The following SPIN1 variants were observed in gnomAD, a reference collection of about 807,000 sequenced individuals.
The protein encoded by SPIN1 is spindlin-1.
SPIN1 carries 3 observed loss-of-function variants against 26.0 expected under a neutral mutation model. That is an observed-to-expected ratio of 0.12 (90% CI 0.05 to 0.30). The LOEUF (loss-of-function observed/expected upper bound fraction) is 0.30, where lower values mean the gene tolerates loss of function less well. Ranked by LOEUF, SPIN1 falls within the 10% of genes least tolerant of loss-of-function variation. The probability of loss-of-function intolerance (pLI) is 1.00; values close to 1 mark genes in which losing one functional copy is unlikely to be tolerated. For synonymous variants in SPIN1, 101 were observed against 116.5 expected, an observed-to-expected ratio of 0.87 and a Z score of 0.86; for missense variants, 126 against 333.4, an observed-to-expected ratio of 0.38 and a Z score of 4.84.
chr9:88,443,030 G>T (rs985278650), intron 2 of SPIN1, among the ~76,000 whole-genome samples: 2 of 148,742 alleles, frequency 1.3e-5, no homozygotes, highest in Non-Finnish European at 2.9e-5. Context: ...TGAGGCAGGC[G>T]AATCGCTTGA....
chr9:88,432,949 C>G lies in SPIN1; in HGVS notation c.52+6358C>G, dbSNP rs184623404. 5.8e-4 allele frequency among the ~76,000 whole-genome samples: 88 copies of G among 152,308 alleles called. 1 individual carries two copies. The Middle Eastern group carries it at 0.014, about 24-fold the overall frequency. On this transcript the variant is annotated intron_variant, in intron 2 of 5. Coordinates refer to ENST00000375859, the MANE Select transcript of SPIN1 (RefSeq NM_006717.3). The stretch of plus-strand genomic sequence containing the variant: ...CAGGCTGGTTTCAAACTATTGGGCT[C>G]AAGAGATCCTCCCACCTCAGCCTTT...
intron 3 of SPIN1, among the ~76,000 whole-genome samples, chr9:88,454,121 A>T (rs1311339263): frequency 6.6e-6 from 1 of 152,176 alleles, no homozygotes; most frequent in African/African-American, 2.4e-5. Flanking sequence ...AAGATGTCCT[A>T]GGTTGAATGA....
chr9:88,407,096 C>T (rs1013085551), intron 1 of SPIN1, among the ~76,000 whole-genome samples: 3 of 148,056 alleles, frequency 2.0e-5, no homozygotes, highest in Non-Finnish European at 4.4e-5. Context: ...TAGTGAATTT[C>T]CTATGTTAGT....
chr9:88,391,562 C>G (rs2117853760), intron 1 of SPIN1: 1 of 152,370 alleles, frequency 6.6e-6, no homozygotes, highest in East Asian at 1.9e-4. Flanking sequence ...TACTTCCTTT[C>G]TGCATAGGTA....
At chr9:88,403,938 G>A (rs1827241480) in intron 1 of SPIN1, among the ~76,000 whole-genome samples, 1 of 152,112 alleles carries the variant, frequency 6.6e-6, no homozygotes, top group African/African-American at 2.4e-5. Context: ...GCGTTGTTAG[G>A]TGAGCATTAT....
intron 1 of SPIN1, chr9:88,418,980 C>T (rs754520511): frequency 1.3e-5 from 2 of 152,056 alleles, no homozygotes; most frequent in Non-Finnish European, 2.9e-5. Flanking sequence ...TTTTGATCTC[C>T]TTTGAGATTG....
intron 3 of SPIN1, among the ~76,000 whole-genome samples, chr9:88,455,426 A>T (rs1168255564): frequency 6.6e-6 from 1 of 152,224 alleles, no homozygotes; most frequent in East Asian, 1.9e-4. Context: ...ATTGCACTTC[A>T]GCCTGTGCAG....
rs573960077 is a variant in SPIN1, at chr9:88,477,264, T to G, written c.*1987T>G. ...TACAGCGCAAGAGTTTGCAAGTGTG[T>G]CCAGCATGCACCAACTGTGCAGAAC... is the stretch of plus-strand genomic sequence containing the variant. On this transcript the variant is annotated 3_prime_UTR_variant, in exon 6 of 6. Coordinates refer to ENST00000375859, the MANE Select transcript of SPIN1 (RefSeq NM_006717.3). 6.6e-5 allele frequency: 10 copies of G among 152,212 alleles called. No homozygotes were observed. Among genetic ancestry groups the G allele is most frequent in the Non-Finnish European group, 1.2e-4 (8 of 68,060 alleles). 9.4% of individuals were successfully genotyped at this position (152,212 alleles called of 1,614,324 possible).
chr9:88,457,075 T>C (rs1271133601), intron 3 of SPIN1, among the ~76,000 whole-genome samples: 3 of 152,176 alleles, frequency 2.0e-5, no homozygotes, highest in Non-Finnish European at 4.4e-5. Flanking sequence ...AGAATTGATC[T>C]AGAAGTGCTA....
rs1404839822 is a variant in SPIN1 at position 88,451,106 on chromosome 9, C to T, written c.101+2117C>T. On this transcript the variant is annotated intron_variant, in intron 3 of 5. Coordinates refer to ENST00000375859, the MANE Select transcript of SPIN1 (RefSeq NM_006717.3). ...TCTAAAATGCAATTTTTATGGAAAC[C>T]AAATATAAAAAAAAAACAGAACTAT... Among the ~76,000 whole-genome samples, 3 of 144,086 alleles carry T rather than the reference C, an allele frequency of 2.1e-5. No individual in the cohort carries two copies. In the East Asian group the frequency reaches 5.9e-4, roughly 28 times the overall value. The allele number at this position is 144,086 out of a possible 152,430, so 94.5% of individuals were successfully genotyped here.
intron 2 of SPIN1, among the ~76,000 whole-genome samples, chr9:88,441,414 T>TGTGTGTGTGTGTGTGTGTGCGCGCGCGC: frequency 7.1e-6 from 1 of 141,204 alleles, no homozygotes; most frequent in African/African-American, 2.9e-5. Context: ...TGTGTGTGTG[T>TGTGTGTGTGTGTGTGTGTGCGCGCGCGC]GCGCGCGCGC....
At chr9:88,418,169 C>G (rs1827604101) in intron 1 of SPIN1, among the ~76,000 whole-genome samples, 1 of 152,192 alleles carries the variant, frequency 6.6e-6, no homozygotes, top group African/African-American at 2.4e-5. Flanking sequence ...GCCTCCCTTC[C>G]CAGGGTAGGG....
chr9:88,441,646 T>C (rs1258761459), intron 2 of SPIN1, among the ~76,000 whole-genome samples: 1 of 151,532 alleles, frequency 6.6e-6, no homozygotes, highest in East Asian at 1.9e-4. Flanking sequence ...TCCCAGCTAC[T>C]TCAGAGGTTG....
At chr9:88,441,660 C>T (rs905122045) in intron 2 of SPIN1, among the ~76,000 whole-genome samples, 19 of 151,352 alleles carry the variant, frequency 1.3e-4, no homozygotes, top group African/African-American at 4.4e-4. Context: ...GAGGTTGAGG[C>T]GGGAGGACCG....
chr9:88,467,796 T>TAATA (rs929720852), intron 4 of SPIN1, among the ~76,000 whole-genome samples: 16 of 148,330 alleles, frequency 1.1e-4, no homozygotes, highest in Non-Finnish European at 7.4e-5. Context: ...ACCTATGCCT[T>TAATA]AATAAAAAAA....
chr9:88,401,647 C>G (rs1827189644), intron 1 of SPIN1, among the ~76,000 whole-genome samples: 1 of 152,150 alleles, frequency 6.6e-6, no homozygotes, highest in African/African-American at 2.4e-5. Flanking sequence ...GTGTTTGGTA[C>G]AGATGAAACC....
intron 1 of SPIN1, among the ~76,000 whole-genome samples, chr9:88,396,870 T>C (rs1827073258): frequency 6.6e-6 from 1 of 152,084 alleles, no homozygotes; most frequent in South Asian, 2.1e-4. Context: ...AACTGAATAC[T>C]GTAGACTATT....
At chr9:88,465,950 C>T (rs1014470184) in intron 4 of SPIN1, among the ~76,000 whole-genome samples, 3 of 152,058 alleles carry the variant, frequency 2.0e-5, no homozygotes, top group Non-Finnish European at 4.4e-5. Context: ...AAAACCTAGA[C>T]ATTAGGAGAT....
chr9:88,474,993 AAT>A (rs1828861283), intron 5 of SPIN1, 83 bp from the exon 6 acceptor site: 2 of 1,299,630 alleles, frequency 1.5e-6, no homozygotes, highest in East Asian at 2.6e-5. Flanking sequence ...TATGAAAATA[AAT>A]ATGTGAGTTG....
Sources: allele counts gnomAD v4.1 joint callset (sites outside exome capture counted in the v4.1 genomes callset), GRCh38; gene constraint gnomAD v4.1.1; transcripts MANE v1.5; gene names NCBI Gene and HGNC (gene_info 2026-07-23, HGNC 2026-07-21).